PHF20: variants seen among roughly 807,000 people sequenced by gnomAD.
PHF20 encodes the protein glioma-expressed antigen 2.
Under a neutral mutation model 113.5 loss-of-function variants are expected in PHF20, and 23 were observed. The observed-to-expected ratio is 0.20, with a 90% CI of 0.15 to 0.29. The LOEUF is 0.29. Among genes scored for constraint, PHF20 ranks in the 10% least tolerant of loss-of-function variants. PHF20 has a pLI of 1.00. For missense variants in PHF20, 943 were observed against 1,219.6 expected (o/e 0.77, Z 3.38); for synonymous variants, 434 against 457.3 (o/e 0.95, Z 0.65).
At chr20:35,836,339 T>C (rs1234750879) in intron 2 of PHF20, among the ~76,000 whole-genome samples, 1 of 152,152 alleles carries the variant, frequency 6.6e-6, no homozygotes, top group East Asian at 1.9e-4. Flanking sequence ...TTTCCTCTTC[T>C]ATAACACAAA....
intron 13 of PHF20, among the ~76,000 whole-genome samples, chr20:35,926,121 C>CAAAAAAA (rs527440244): frequency 1.4e-5 from 1 of 72,342 alleles, no homozygotes; most frequent in African/African-American, 4.6e-5. Flanking sequence ...GACTCCATCT[C>CAAAAAAA]AAAAAAAAAA....
At chr20:35,902,367 C>T (rs1025163368) in intron 10 of PHF20, among the ~76,000 whole-genome samples, 3 of 152,100 alleles carry the variant, frequency 2.0e-5, no homozygotes, top group African/African-American at 7.2e-5. Flanking sequence ...TGCAGCCTAC[C>T]CCAGACAGCA....
intron 4 of PHF20, among the ~76,000 whole-genome samples, chr20:35,852,986 G>A (rs956256323): frequency 2.7e-5 from 4 of 150,138 alleles, no homozygotes; most frequent in Admixed American, 1.3e-4. Context: ...ACTTTTGGAG[G>A]TCGAGGCAGG....
chr20:35,947,670 C>A lies in PHF20; in HGVS notation c.*43C>A. On this transcript the variant is annotated 3_prime_UTR_variant, in exon 18 of 18. Coordinates refer to ENST00000374012, the MANE Select transcript of PHF20 (RefSeq NM_016436.5). ...TCATGGGGGCACAATCCTGGGGCAC[C>A]TGCAGGAGGAGCTTCGCATATTTAA... The A allele has an allele frequency of 6.3e-7, 1 of 1,590,520 alleles. No individual in the cohort carries two copies. Among genetic ancestry groups the A allele is most frequent in the African/African-American group, 1.3e-5 (1 of 74,290 alleles).
chr20:35,853,761 T>C (rs2042780915), intron 4 of PHF20, among the ~76,000 whole-genome samples: 1 of 151,090 alleles, frequency 6.6e-6, no homozygotes, highest in African/African-American at 2.4e-5. Flanking sequence ...TTCTTTCTTT[T>C]TTTTTTTTTT....
chr20:35,905,109 G>A (rs751202859), intron 10 of PHF20, among the ~76,000 whole-genome samples: 4 of 152,148 alleles, frequency 2.6e-5, no homozygotes, highest in African/African-American at 4.8e-5. Flanking sequence ...ACAGAGATGA[G>A]CCACCGTGCC....
chr20:35,944,898 CCT>C (rs1245637712), intron 17 of PHF20, among the ~76,000 whole-genome samples: 1 of 152,144 alleles, frequency 6.6e-6, no homozygotes, highest in African/African-American at 2.4e-5. Context: ...TGAACAGTCC[CCT>C]GTCTCCTTCT....
At chr20:35,812,502 C>A (rs2041995994) in intron 2 of PHF20, among the ~76,000 whole-genome samples, 1 of 152,174 alleles carries the variant, frequency 6.6e-6, no homozygotes, top group Non-Finnish European at 1.5e-5. Flanking sequence ...TAGAATGTCC[C>A]ACATTCTGGT....
chr20:35,796,455 G>A (rs151270573), intron 1 of PHF20, among the ~76,000 whole-genome samples: 17 of 152,142 alleles, frequency 1.1e-4, no homozygotes, highest in African/African-American at 3.6e-4. Context: ...AGCTTGAAAT[G>A]GCTGAGTCCA....
At chr20:35,844,672 CAAAGA>C (rs1299381883) in intron 3 of PHF20, among the ~76,000 whole-genome samples, 1 of 150,280 alleles carries the variant, frequency 6.7e-6, no homozygotes, top group African/African-American at 2.5e-5. Context: ...AGAAAAGAAG[CAAAGA>C]AATCATAAAA....
intron 2 of PHF20, among the ~76,000 whole-genome samples, chr20:35,834,634 C>T (rs758198547): frequency 3.9e-5 from 6 of 152,042 alleles, no homozygotes; most frequent in Non-Finnish European, 5.9e-5. Context: ...TGGGAAATCT[C>T]ATGGAGCTCA....
chr20:35,785,437 A>C (rs1008746641), intron 1 of PHF20, among the ~76,000 whole-genome samples: 5 of 151,908 alleles, frequency 3.3e-5, no homozygotes, highest in African/African-American at 1.2e-4. Context: ...CTCCTGCCTT[A>C]GCCTCCCGAG....
At chr20:35,822,514 AG>A (rs987380762) in intron 2 of PHF20, among the ~76,000 whole-genome samples, 109 of 152,054 alleles carry the variant, frequency 7.2e-4, no homozygotes, top group African/African-American at 2.5e-3. Context: ...GAGCAGTTTT[AG>A]GTTCACAGCA....
At chr20:35,861,811 C>G (rs1175334997) in intron 5 of PHF20, among the ~76,000 whole-genome samples, 1 of 151,800 alleles carries the variant, frequency 6.6e-6, no homozygotes, top group African/African-American at 2.4e-5. Flanking sequence ...AAAAATATTT[C>G]CTTGTTTATT....
chr20:35,907,103 C>T (rs545086739), intron 10 of PHF20, among the ~76,000 whole-genome samples: 1 of 152,308 alleles, frequency 6.6e-6, no homozygotes, highest in East Asian at 1.9e-4. Flanking sequence ...GTGCTTGTCC[C>T]AGCCTCGTGG....
intron 9 of PHF20, among the ~76,000 whole-genome samples, chr20:35,883,689 G>T (rs1310846163): frequency 6.6e-6 from 1 of 152,182 alleles, no homozygotes; most frequent in African/African-American, 2.4e-5. Flanking sequence ...CGATCCACTT[G>T]CCTCGGCTTC....
rs190712704 is a variant in PHF20 at position 35,939,018 on chromosome 20, C to T, written c.2622C>T (p.Asn874=). 33 of 1,614,170 alleles carry T rather than the reference C, an allele frequency of 2.0e-5. 2 individuals are homozygous for T. Among genetic ancestry groups the T allele is most frequent in the South Asian group, 1.2e-4 (11 of 91,088 alleles). The change falls in exon 16 of 18, where the codon AAC becomes AAT. Residue 874 remains asparagine, a synonymous_variant. Coordinates refer to ENST00000374012, the MANE Select transcript of PHF20 (RefSeq NM_016436.5). ...LDDAVNPLHE[N]GDDSLSPRLG... ...ATGCGGTCAACCCCCTCCATGAGAA[C>T]GGCGATGATTCCCTTTCCCCGCGCC...
At chr20:35,802,094 A>G (rs1281750588) in intron 2 of PHF20, 2 of 153,456 alleles carry the variant, frequency 1.3e-5, no homozygotes, top group Non-Finnish European at 2.9e-5. Context: ...GAGGGGTTAT[A>G]GTCCCAGCTG....
intron 9 of PHF20, among the ~76,000 whole-genome samples, chr20:35,899,003 C>G (rs1028756672): frequency 1.3e-5 from 2 of 152,104 alleles, no homozygotes; most frequent in African/African-American, 4.8e-5. Context: ...CCTGCCTTGG[C>G]CTCCCAAAGT....
Sources: allele counts gnomAD v4.1 joint callset (sites outside exome capture counted in the v4.1 genomes callset), GRCh38; gene constraint gnomAD v4.1.1; transcripts MANE v1.5; gene names NCBI Gene and HGNC (gene_info 2026-07-23, HGNC 2026-07-21).